Variants in SLCO3A1 observed in about 807,000 individuals in gnomAD.
SLCO3A1 encodes the protein solute carrier organic anion transporter family member 3A1.
SLCO3A1 carries 27 observed loss-of-function variants against 63.1 expected under a neutral mutation model. That is an observed-to-expected ratio of 0.43 (90% CI 0.32 to 0.59). The LOEUF (loss-of-function observed/expected upper bound fraction) is 0.59. Ranked by LOEUF, SLCO3A1 falls within the 20% of genes least tolerant of loss-of-function variation. SLCO3A1 has a pLI of 0.09. For missense variants in SLCO3A1, 773 were observed against 945.8 expected, an observed-to-expected ratio of 0.82 and a Z score of 2.40; for synonymous variants, 473 against 409.9, an observed-to-expected ratio of 1.15 and a Z score of -1.86.
At chr15:92,147,884 A>G (rs1041732258) in intron 8 of SLCO3A1, among the ~76,000 whole-genome samples, 2 of 152,238 alleles carry the variant, frequency 1.3e-5, no homozygotes, top group African/African-American at 4.8e-5. Flanking sequence ...ACTAACACAT[A>G]GGCTGCCATT....
chr15:92,109,739 A>G (rs573767235), intron 4 of SLCO3A1, among the ~76,000 whole-genome samples: 2 of 152,072 alleles, frequency 1.3e-5, no homozygotes, highest in East Asian at 1.9e-4. Flanking sequence ...ACCCAAATCT[A>G]GGAGATGAGT....
intron 2 of SLCO3A1, among the ~76,000 whole-genome samples, chr15:91,935,392 G>A (rs923337404): frequency 3.3e-5 from 5 of 152,178 alleles, no homozygotes; most frequent in East Asian, 3.9e-4. Context: ...ACTGGGACCC[G>A]AGGATCAGAG....
chr15:91,976,532 C>T (rs770201478), intron 2 of SLCO3A1, among the ~76,000 whole-genome samples: 4 of 152,104 alleles, frequency 2.6e-5, no homozygotes, highest in Admixed American at 6.5e-5. Flanking sequence ...CATTGGGCTT[C>T]GAGACTTTTT....
intron 2 of SLCO3A1, among the ~76,000 whole-genome samples, chr15:92,087,523 T>A (rs938361900): frequency 6.6e-6 from 1 of 150,388 alleles, no homozygotes; most frequent in East Asian, 1.9e-4. Context: ...ATTATTTTTT[T>A]TTTTTTTTTT....
In SLCO3A1 at chr15:92,163,051, G is replaced by T; in HGVS notation, c.2049G>T (p.Val683=). The change falls in exon 10 of 10, where the codon GTG becomes GTT. Residue 683 remains valine, a synonymous_variant. Transcript: ENST00000318445. ...LTLDNLGRDP[V]PANQTHRTKF... ...TAGACAACCTGGGGAGGGACCCTGT[G>T]CCCGCAAACCAGACACATAGGACAA... 6.3e-7 allele frequency: 1 copy of T among 1,583,214 alleles called. No homozygotes were observed. Among genetic ancestry groups the T allele is most frequent in the South Asian group, 1.2e-5 (1 of 85,314 alleles).
chr15:92,029,020 T>G (rs1020206666), intron 2 of SLCO3A1, among the ~76,000 whole-genome samples: 2 of 151,322 alleles, frequency 1.3e-5, no homozygotes, highest in African/African-American at 4.9e-5. Flanking sequence ...ATGTCCTGTT[T>G]CCTTCAGGCC....
Position 92,131,504 on chromosome 15 carries a change from A to G in SLCO3A1, c.1512+3015A>G, listed in dbSNP as rs549308794. ...CTCAGCCTCCCAAGTAGCTGGGATT[A>G]TAGGCAAACACCACCACACCCAGCT... is the stretch of plus-strand genomic sequence containing the variant. On this transcript the variant is annotated intron_variant, in intron 7 of 9. Transcript: ENST00000318445. Among the ~76,000 whole-genome samples the G allele has an allele frequency of 2.2e-4, 31 of 142,958 alleles. 2 individuals carry two copies. The highest frequency in any genetic ancestry group is 7.4e-4 in the African/African-American group (29 of 39,342). The allele number at this position is 142,958 out of a possible 152,430, so 93.8% of individuals were successfully genotyped here.
intron 9 of SLCO3A1, among the ~76,000 whole-genome samples, chr15:92,160,829 T>C (rs749006223): frequency 3.9e-5 from 6 of 152,126 alleles, no homozygotes; most frequent in Non-Finnish European, 8.8e-5. Context: ...AAGCCTTCCC[T>C]CTCTCCCCAA....
At chr15:91,985,477 C>A (rs576917911) in intron 2 of SLCO3A1, among the ~76,000 whole-genome samples, 2 of 152,106 alleles carry the variant, frequency 1.3e-5, no homozygotes, top group Non-Finnish European at 2.9e-5. Flanking sequence ...ATGTGGGATG[C>A]GCACCTAGGA....
At chr15:92,059,772 C>G (rs1277923449) in intron 2 of SLCO3A1, among the ~76,000 whole-genome samples, 2 of 152,208 alleles carry the variant, frequency 1.3e-5, no homozygotes. Flanking sequence ...AGCATTGCTG[C>G]CCAGAGCCCT....
intron 1 of SLCO3A1, among the ~76,000 whole-genome samples, chr15:91,891,800 A>G (rs1897877544): frequency 6.6e-6 from 1 of 152,222 alleles, no homozygotes; most frequent in Non-Finnish European, 1.5e-5. Flanking sequence ...AGGGTTTGGG[A>G]AACTTACCAC....
chr15:92,044,659 G>A (rs988743470), intron 2 of SLCO3A1, among the ~76,000 whole-genome samples: 1 of 152,104 alleles, frequency 6.6e-6, no homozygotes, highest in African/African-American at 2.4e-5. Context: ...CAGAGACTGA[G>A]GCAGCCCACG....
At chr15:92,130,579 G>A (rs1394032568) in intron 7 of SLCO3A1, among the ~76,000 whole-genome samples, 2 of 152,102 alleles carry the variant, frequency 1.3e-5, no homozygotes, top group African/African-American at 4.8e-5. Context: ...AGGGACCCTT[G>A]TGACAGTCTA....
In SLCO3A1 at chr15:92,163,276, G is replaced by T; in HGVS notation, c.*141G>T. ...GCACACACACGCAGACAGACACACCGACTTTGTCCTTTTTCTCAGCATCAG... is the reference window on the plus strand; with the variant it reads ...GCACACACACGCAGACAGACACACCTACTTTGTCCTTTTTCTCAGCATCAG... On this transcript the variant is annotated 3_prime_UTR_variant, in exon 10 of 10. Coordinates refer to ENST00000318445, the MANE Select transcript of SLCO3A1 (RefSeq NM_013272.4). The T allele has an allele frequency of 7.5e-7, 1 of 1,325,446 alleles. No individual in the cohort carries two copies. Among genetic ancestry groups the T allele is most frequent in the Admixed American group, 3.3e-5 (1 of 30,672 alleles). 82.1% of individuals were successfully genotyped at this position (1,325,446 alleles called of 1,614,324 possible).
At chr15:92,064,422 C>T (rs2047123933) in intron 2 of SLCO3A1, among the ~76,000 whole-genome samples, 1 of 101,424 alleles carries the variant, frequency 9.9e-6, no homozygotes, top group Admixed American at 1.3e-4. Context: ...GTTTCCTTTG[C>T]TGTGCAGAAG....
In SLCO3A1 at chr15:92,012,172, G is replaced by A. The variant is rs147722275; in HGVS notation, c.647-82709G>A. Among the ~76,000 whole-genome samples, 29 of 152,350 alleles carry A rather than the reference G, an allele frequency of 1.9e-4. No individual in the cohort carries two copies. The South Asian group carries it at 5.0e-3, about 26-fold the overall frequency. ...ATAATCAGTGCCGTTTATTGCATGA[G>A]TGCATCTTCTGCTGTCCTTGTTGCC... On this transcript the variant is annotated intron_variant, in intron 2 of 9. Coordinates refer to ENST00000318445, the MANE Select transcript of SLCO3A1 (RefSeq NM_013272.4).
At chr15:92,067,797 C>A (rs769353430) in intron 2 of SLCO3A1, among the ~76,000 whole-genome samples, 15 of 148,606 alleles carry the variant, frequency 1.0e-4, no homozygotes, top group Non-Finnish European at 2.2e-4. Context: ...ATAAACTGGG[C>A]AGCATATAAA....
At position 92,164,371 on chromosome 15, in the gene SLCO3A1, A is replaced by G. The variant is rs1488759510; in HGVS notation, c.*1236A>G. The G allele has an allele frequency of 2.0e-6, 2 of 985,330 alleles. No homozygotes were observed. The highest frequency in any genetic ancestry group is 1.2e-6 in the Non-Finnish European group (1 of 829,924). 61.0% of individuals were successfully genotyped at this position (985,330 alleles called of 1,614,324 possible). On this transcript the variant is annotated 3_prime_UTR_variant, in exon 10 of 10. Transcript: ENST00000318445. ...TGCAGCCTGCCTTTAAAAGAATCAC[A>G]TTTGAGACAACAGGGGATAATGTGA... is the stretch of plus-strand genomic sequence containing the variant.
intron 1 of SLCO3A1, among the ~76,000 whole-genome samples, chr15:91,881,711 AG>A (rs1897592681): frequency 6.6e-6 from 1 of 152,200 alleles, no homozygotes; most frequent in South Asian, 2.1e-4. Context: ...GTCGGAGCTC[AG>A]TGGAGAATGC....
Sources: allele counts gnomAD v4.1 joint callset (sites outside exome capture counted in the v4.1 genomes callset), GRCh38; gene constraint gnomAD v4.1.1; transcripts MANE v1.5; gene names NCBI Gene and HGNC (gene_info 2026-07-23, HGNC 2026-07-21).